Variants in ARHGAP24 observed in about 807,000 individuals in gnomAD.
The protein encoded by ARHGAP24 is Rho GTPase activating protein 24, also known as rho GTPase-activating protein 24.
In ARHGAP24, 50 loss-of-function variants were observed where a neutral mutation model predicts 76.4. The ratio of observed to expected loss-of-function variants is 0.65; its 90% confidence interval spans 0.52 to 0.83. ARHGAP24 has a LOEUF of 0.83. Among genes scored for constraint, ARHGAP24 ranks in the 40% least tolerant of loss-of-function variants. The pLI, the probability that ARHGAP24 is intolerant of heterozygous loss-of-function variation, is 0.00. For synonymous variants in ARHGAP24, 345 were observed against 323.3 expected (o/e 1.07, Z -0.72); for missense variants, 930 against 914.2 (o/e 1.02, Z -0.22).
In ARHGAP24 at chr4:85,505,555, A is replaced by C. The variant is rs575927788; in HGVS notation, c.-21+29996A>C. 1.6e-4 allele frequency among the ~76,000 whole-genome samples: 24 copies of C among 152,242 alleles called. No homozygotes were observed. The Middle Eastern group carries it at 0.01, about 65-fold the overall frequency. On this transcript the variant is annotated intron_variant, in intron 1 of 9. Transcript: ENST00000395184. ...GCATGCGTCACAAAGTTCTAATGCC[A>C]TGGTTTTCAGCTCTGTCAGGTCATT...
intron 3 of ARHGAP24, among the ~76,000 whole-genome samples, chr4:85,755,626 G>GTTTTTT (rs111410344): frequency 0.27 from 32,020 of 116,680 alleles, 10,644 homozygotes; most frequent in Non-Finnish European, 0.37. Context: ...CTATTCTTTT[G>GTTTTTT]TTTTGTTTTG....
At chr4:85,830,668 C>A (rs763427569) in intron 3 of ARHGAP24, among the ~76,000 whole-genome samples, 1 of 152,216 alleles carries the variant, frequency 6.6e-6, no homozygotes, top group Admixed American at 6.5e-5. Flanking sequence ...ACTCACACAA[C>A]TTTTAACTAC....
At chr4:85,787,520 C>CA (rs1202732581) in intron 3 of ARHGAP24, among the ~76,000 whole-genome samples, 2 of 151,296 alleles carry the variant, frequency 1.3e-5, no homozygotes, top group African/African-American at 4.9e-5. Context: ...AGGGATAATT[C>CA]AAAAAAAAGT....
At chr4:85,697,999 A>G (rs990746640) in intron 2 of ARHGAP24, among the ~76,000 whole-genome samples, 2 of 152,182 alleles carry the variant, frequency 1.3e-5, no homozygotes, top group Non-Finnish European at 2.9e-5. Context: ...AACATATACT[A>G]TTATTTGTAA....
rs141201494 is a variant in ARHGAP24, at chr4:85,758,091, G to A, written c.268+36119G>A. On this transcript the variant is annotated intron_variant, in intron 3 of 9. Coordinates refer to ENST00000395184, the MANE Select transcript of ARHGAP24 (RefSeq NM_001025616.3). ...AAAAAAGCCTAATGGTTTTAAAAGC[G>A]TATTCCCTACTACTTCTGTCAAAAA... Among the ~76,000 whole-genome samples, 360 of 152,260 alleles carry A rather than the reference G, an allele frequency of 2.4e-3. 2 individuals are homozygous for A. Among genetic ancestry groups the A allele is most frequent in the African/African-American group, 8.2e-3 (339 of 41,546 alleles).
chr4:85,623,683 G>T (rs1293146586), intron 2 of ARHGAP24, among the ~76,000 whole-genome samples: 1 of 151,746 alleles, frequency 6.6e-6, no homozygotes, highest in African/African-American at 2.4e-5. Flanking sequence ...ACCATGGGCA[G>T]TATGGCCATT....
intron 2 of ARHGAP24, among the ~76,000 whole-genome samples, chr4:85,676,813 C>A (rs1347382398): frequency 6.6e-6 from 1 of 152,160 alleles, no homozygotes; most frequent in African/African-American, 2.4e-5. Context: ...ATATACTGCA[C>A]TTTAATTCTG....
chr4:85,541,492 C>T (rs1284407175), intron 1 of ARHGAP24, among the ~76,000 whole-genome samples: 2 of 152,056 alleles, frequency 1.3e-5, no homozygotes, highest in Non-Finnish European at 2.9e-5. Flanking sequence ...GGGTAAAATC[C>T]CAGATCCTTC....
At chr4:85,961,864 T>G (rs1476888989) in intron 5 of ARHGAP24, among the ~76,000 whole-genome samples, 3 of 151,952 alleles carry the variant, frequency 2.0e-5, no homozygotes, top group Non-Finnish European at 4.4e-5. Context: ...TCTTGGGAAG[T>G]CCTTGGTTAC....
intron 3 of ARHGAP24, among the ~76,000 whole-genome samples, chr4:85,865,019 A>G (rs935270466): frequency 2.0e-5 from 3 of 152,042 alleles, no homozygotes; most frequent in Admixed American, 2.0e-4. Context: ...ATGGCCTTGT[A>G]AGCAAAAGGA....
At position 85,816,917 on chromosome 4, in the gene ARHGAP24, T is replaced by G. The variant is rs767956718; in HGVS notation, c.268+94945T>G. On this transcript the variant is annotated intron_variant, in intron 3 of 9. Coordinates refer to ENST00000395184, the MANE Select transcript of ARHGAP24 (RefSeq NM_001025616.3). ...GGGTTATTTTTCTCAGCATCTTCCC[T>G]AATACTTATTATCTTTTGTCTTTTT... Among the ~76,000 whole-genome samples the G allele has an allele frequency of 2.9e-4, 44 of 152,336 alleles. No homozygotes were observed. In the Middle Eastern group the frequency reaches 0.01, roughly 35 times the overall value.
At chr4:85,712,724 C>A (rs1724575074) in intron 2 of ARHGAP24, among the ~76,000 whole-genome samples, 1 of 152,116 alleles carries the variant, frequency 6.6e-6, no homozygotes, top group Non-Finnish European at 1.5e-5. Flanking sequence ...ACACTTTCTA[C>A]TAGATTTAGG....
intron 3 of ARHGAP24, among the ~76,000 whole-genome samples, chr4:85,908,571 A>T (rs1734899348): frequency 6.6e-6 from 1 of 152,222 alleles, no homozygotes; most frequent in African/African-American, 2.4e-5. Flanking sequence ...CAGAGTCCCA[A>T]CTGAAAAAGA....
At chr4:85,495,081 C>T (rs181442078) in intron 1 of ARHGAP24, among the ~76,000 whole-genome samples, 49 of 129,892 alleles carry the variant, frequency 3.8e-4, no homozygotes, top group African/African-American at 1.5e-3. Flanking sequence ...GGCGACAGTG[C>T]GAGACTCCGT....
chr4:85,705,631 G>A (rs1424051785), intron 2 of ARHGAP24, among the ~76,000 whole-genome samples: 2 of 152,104 alleles, frequency 1.3e-5, no homozygotes, highest in Non-Finnish European at 2.9e-5. Context: ...AGCTATCAAC[G>A]GTCATATGAG....
At chr4:85,981,337 A>G (rs1739657131) in intron 8 of ARHGAP24, among the ~76,000 whole-genome samples, 1 of 152,238 alleles carries the variant, frequency 6.6e-6, no homozygotes, top group South Asian at 2.1e-4. Context: ...TGCATGTGAC[A>G]AATATGTATT....
chr4:85,688,056 G>A lies in ARHGAP24; in HGVS notation c.181-33829G>A, dbSNP rs148557807. 5.3e-3 allele frequency among the ~76,000 whole-genome samples: 809 copies of A among 152,158 alleles called. 7 individuals carry two copies. Among genetic ancestry groups the A allele is most frequent in the African/African-American group, 0.018 (759 of 41,514 alleles). Reference sequence around the variant, plus strand: ...TCGAACTCCTGACCTTAGATAATCCGCCCGCCTTGGCCTCCCAAAGTGCTG... The same window carrying A: ...TCGAACTCCTGACCTTAGATAATCCACCCGCCTTGGCCTCCCAAAGTGCTG... On this transcript the variant is annotated intron_variant, in intron 2 of 9. Coordinates refer to ENST00000395184, the MANE Select transcript of ARHGAP24 (RefSeq NM_001025616.3).
At chr4:85,557,353 C>T (rs1400121556) in intron 1 of ARHGAP24, among the ~76,000 whole-genome samples, 2 of 152,226 alleles carry the variant, frequency 1.3e-5, no homozygotes, top group African/African-American at 2.4e-5. Context: ...GGATCCAAGG[C>T]TCCCAGGACT....
At chr4:85,665,994 T>G (rs1722600537) in intron 2 of ARHGAP24, among the ~76,000 whole-genome samples, 1 of 152,238 alleles carries the variant, frequency 6.6e-6, no homozygotes, top group African/African-American at 2.4e-5. Context: ...ATTATGTGTC[T>G]TGAAGTTTCA....
Sources: allele counts gnomAD v4.1 joint callset (sites outside exome capture counted in the v4.1 genomes callset), GRCh38; gene constraint gnomAD v4.1.1; transcripts MANE v1.5; gene names NCBI Gene and HGNC (gene_info 2026-07-23, HGNC 2026-07-21).